PHF11: variants seen among roughly 807,000 people sequenced by gnomAD.
The protein encoded by PHF11 is BRCA1 C-terminus-associated protein.
Under a neutral mutation model 40.5 loss-of-function variants are expected in PHF11, and 38 were observed. The observed-to-expected ratio is 0.94, with a 90% confidence interval of 0.72 to 1.23. The LOEUF (loss-of-function observed/expected upper bound fraction) is 1.23. PHF11 is among the 50% of genes most tolerant of loss of function. PHF11 has a pLI of 0.00. For synonymous variants in PHF11, 127 were observed against 138.2 expected, an observed-to-expected ratio of 0.92 and a Z score of 0.57; for missense variants, 369 against 392.4, an observed-to-expected ratio of 0.94 and a Z score of 0.50.
chr13:49,525,815 G>C (rs979612385), intron 8 of PHF11: 65 of 456,172 alleles, frequency 1.4e-4, no homozygotes, highest in Non-Finnish European at 2.7e-4. Flanking sequence ...CCACCTGTAG[G>C]GCTGGTGAGG....
chr13:49,506,997 G>A lies in PHF11; in HGVS notation c.216+241G>A, dbSNP rs185224218. On this transcript the variant is annotated intron_variant, in intron 2 of 9. Coordinates refer to ENST00000378319, the MANE Select transcript of PHF11 (RefSeq NM_001040443.3). Reference sequence around the variant, plus strand: ...TGAATCACTGCAAGCTCCGCTTCCCGGGTTCACGCCATTCTCCTGCCTCAG... The same window carrying A: ...TGAATCACTGCAAGCTCCGCTTCCCAGGTTCACGCCATTCTCCTGCCTCAG... 1.3e-3 allele frequency among the ~76,000 whole-genome samples: 183 copies of A among 136,402 alleles called. 2 individuals carry two copies. Among genetic ancestry groups the A allele is most frequent in the Middle Eastern group, 4.9e-3 (1 of 206 alleles). The allele number at this position is 136,402 out of a possible 152,430, so 89.5% of individuals were successfully genotyped here. A position where few individuals can be genotyped will look rare whatever the true frequency, so the allele number is the denominator to read the frequency against.
rs1252750970 is a variant in PHF11 at position 49,524,229 on chromosome 13, A to T, written c.769+13A>T. ...ACTTCAGAATCAGGTACTGATGAAG[A>T]GCAATATTTCGAAGTATAGAGACTT... On this transcript the variant is annotated intron_variant, in intron 8 of 9. Coordinates refer to ENST00000378319, the MANE Select transcript of PHF11 (RefSeq NM_001040443.3). The T allele has an allele frequency of 4.4e-6, 7 of 1,592,898 alleles. No individual in the cohort carries two copies. In the African/African-American group the frequency reaches 8.1e-5, roughly 18 times the overall value.
At chr13:49,508,207 A>T (rs1298572579) in intron 2 of PHF11, among the ~76,000 whole-genome samples, 1 of 147,454 alleles carries the variant, frequency 6.8e-6, no homozygotes, top group Non-Finnish European at 1.5e-5. Context: ...TATATTATTA[A>T]TGTGTTATGT....
chr13:49,502,250 A>G (rs916806308), intron 1 of PHF11, among the ~76,000 whole-genome samples: 1 of 152,154 alleles, frequency 6.6e-6, no homozygotes, highest in Non-Finnish European at 1.5e-5. Flanking sequence ...GCAGTGAGCC[A>G]TGATCATGCC....
Position 49,501,008 on chromosome 13 carries a change from TTTTTTTTGG to T in PHF11, c.94+4921_94+4929del, listed in dbSNP as rs1456601924. 7.3e-5 allele frequency among the ~76,000 whole-genome samples: 9 copies of T among 122,688 alleles called. 1 individual carries two copies. Among genetic ancestry groups the T allele is most frequent in the African/African-American group, 3.5e-4 (9 of 25,768 alleles). 80.5% of individuals were successfully genotyped at this position (122,688 alleles called of 152,430 possible). ...GGGAGTCACCAACTTTTGTTTTTTTTTTTTTTTGGTTTTTTTTTTTCTGAAATGGAGTTT... is the reference window on the plus strand; with the variant it reads ...GGGAGTCACCAACTTTTGTTTTTTTTTTTTTTTTTTTCTGAAATGGAGTTT... On this transcript the variant is annotated intron_variant, in intron 1 of 9. Transcript: ENST00000378319.
chr13:49,514,778 G>C (rs909902431), intron 3 of PHF11, among the ~76,000 whole-genome samples: 1 of 142,624 alleles, frequency 7.0e-6, no homozygotes, highest in South Asian at 2.2e-4. Context: ...AAAAAAAAAA[G>C]AGTGTGTGGA....
intron 1 of PHF11, among the ~76,000 whole-genome samples, chr13:49,503,892 T>G (rs1958942346): frequency 6.6e-6 from 1 of 152,106 alleles, no homozygotes; most frequent in Non-Finnish European, 1.5e-5. Context: ...GCCACCATAC[T>G]GGGCTAATTT....
At chr13:49,518,427 T>C (rs754059815) in intron 4 of PHF11, 219 of 176,396 alleles carry the variant, frequency 1.2e-3, no homozygotes, top group Non-Finnish European at 1.9e-3. Flanking sequence ...CTATGTTACA[T>C]TCGTAAGATG....
chr13:49,524,695 T>C (rs946364738), intron 8 of PHF11, among the ~76,000 whole-genome samples: 1 of 152,094 alleles, frequency 6.6e-6, no homozygotes, highest in Admixed American at 6.5e-5. Flanking sequence ...AGGCTGGTCT[T>C]GAACTCCTGA....
chr13:49,527,940 G>GTTT (rs10624284), intron 9 of PHF11, among the ~76,000 whole-genome samples: 1 of 151,526 alleles, frequency 6.6e-6, no homozygotes, highest in Non-Finnish European at 1.5e-5. Context: ...GTATATGTGT[G>GTTT]TAACTGTTCG....
intron 3 of PHF11, among the ~76,000 whole-genome samples, chr13:49,517,275 T>C (rs1171137395): frequency 6.6e-6 from 1 of 152,172 alleles, no homozygotes; most frequent in Non-Finnish European, 1.5e-5. Context: ...TGCAAGGCAA[T>C]TTCACTGTGC....
Position 49,518,047 on chromosome 13 carries a change from C to T in PHF11, c.354C>T (p.Ala118=), listed in dbSNP as rs771000753. ...GCAAATTTTGTCATAAAAGAGGAGC[C>T]ACCGTGGGATGTGATTTAAAAAACT... The part of the protein sequence containing the change: ...LKCKFCHKRG[A]TVGCDLKNCN... Residue 118 remains alanine, a synonymous_variant, in exon 4 of 10, where the codon GCC becomes GCT. Transcript: ENST00000378319. 3.8e-6 allele frequency: 6 copies of T among 1,575,926 alleles called. No individual in the cohort carries two copies. The Middle Eastern group carries it at 5.0e-4, about 132-fold the overall frequency.
At chr13:49,505,692 G>C (rs1277536876) in intron 1 of PHF11, among the ~76,000 whole-genome samples, 1 of 152,114 alleles carries the variant, frequency 6.6e-6, no homozygotes, top group South Asian at 2.1e-4. Context: ...CATGGGTGGA[G>C]ATCTCAACAG....
chr13:49,513,210 C>T (rs751752458), intron 3 of PHF11, 44 bp downstream of exon 3: 10 of 905,952 alleles, frequency 1.1e-5, no homozygotes, highest in Middle Eastern at 2.2e-4. Context: ...TGAACAGACC[C>T]TCAAGGAATG....
intron 3 of PHF11, among the ~76,000 whole-genome samples, chr13:49,516,719 G>A (rs1387741691): frequency 1.3e-5 from 2 of 151,836 alleles, no homozygotes; most frequent in Non-Finnish European, 2.9e-5. Flanking sequence ...AAATAGCTGG[G>A]ACTACAGGAG....
chr13:49,521,964 A>AT (rs1959190132), intron 5 of PHF11, 79 bp from the exon 6 acceptor site: 1 of 683,756 alleles, frequency 1.5e-6, no homozygotes, highest in Non-Finnish European at 2.6e-6. Flanking sequence ...CTTTTGGCAT[A>AT]TGAGTTGTAT....
chr13:49,505,077 T>G (rs1958966732), intron 1 of PHF11, among the ~76,000 whole-genome samples: 1 of 143,770 alleles, frequency 7.0e-6, no homozygotes, highest in Non-Finnish European at 1.5e-5. Flanking sequence ...ACAAACACTG[T>G]GAGAAACACC....
intron 2 of PHF11, among the ~76,000 whole-genome samples, chr13:49,509,544 G>GC (rs1475457708): frequency 6.6e-6 from 1 of 152,060 alleles, no homozygotes; most frequent in Non-Finnish European, 1.5e-5. Flanking sequence ...AAGGTGATAT[G>GC]CTTTGGCTGT....
At chr13:49,511,911 G>C (rs1959087240) in intron 2 of PHF11, among the ~76,000 whole-genome samples, 1 of 152,038 alleles carries the variant, frequency 6.6e-6, no homozygotes. Context: ...TCCTTTTCTT[G>C]TTTGGTTATG....
Sources: allele counts gnomAD v4.1 joint callset (sites outside exome capture counted in the v4.1 genomes callset), GRCh38; gene constraint gnomAD v4.1.1; transcripts MANE v1.5; gene names NCBI Gene and HGNC (gene_info 2026-07-23, HGNC 2026-07-21).